Variants in PDZD2 observed in about 807,000 individuals in gnomAD.
The protein encoded by PDZD2 is PDZ domain containing 2, also known as PDZ domain-containing protein 2.
In PDZD2, 90 loss-of-function variants were observed where a neutral mutation model predicts 220.7. That is an observed-to-expected ratio of 0.41 (90% CI 0.34 to 0.49). PDZD2 has a LOEUF of 0.49. Ranked by LOEUF, PDZD2 falls within the 20% of genes least tolerant of loss-of-function variation. PDZD2 has a pLI of 0.28. For synonymous variants in PDZD2, 1,375 were observed against 1,450.5 expected (o/e 0.95, Z 1.18); for missense variants, 3,174 against 3,608.5 (o/e 0.88, Z 3.08).
At position 31,764,847 on chromosome 5, in the gene PDZD2, T is replaced by C. The variant is rs116597150; in HGVS notation, c.-360-34042T>C. Among the ~76,000 whole-genome samples, 804 of 152,266 alleles carry C rather than the reference T, an allele frequency of 5.3e-3. 8 individuals are homozygous for C. Among genetic ancestry groups the C allele is most frequent in the African/African-American group, 0.018 (744 of 41,552 alleles). ...ATCCCAGCACTTTGGGAGGCCAAGATAGGCGGATCATTTGAGGTCAGGAGT... is the reference window on the plus strand; with the variant it reads ...ATCCCAGCACTTTGGGAGGCCAAGACAGGCGGATCATTTGAGGTCAGGAGT... On this transcript the variant is annotated intron_variant, in intron 1 of 24. Transcript: ENST00000438447.
intron 2 of PDZD2, among the ~76,000 whole-genome samples, chr5:31,924,667 G>A (rs1435911135): frequency 1.3e-5 from 2 of 152,174 alleles, no homozygotes; most frequent in Non-Finnish European, 2.9e-5. Context: ...TTAATTATTT[G>A]TCTGATTCTG....
At chr5:31,665,129 C>G (rs958597644) in intron 1 of PDZD2, 2 of 152,196 alleles carry the variant, frequency 1.3e-5, no homozygotes, top group South Asian at 4.1e-4. Flanking sequence ...ACCACCCAGG[C>G]GGGTAAGAGA....
Position 32,090,506 on chromosome 5 carries a change from C to T in PDZD2, c.7058C>T (p.Ala2353Val). 6.2e-7 allele frequency: 1 copy of T among 1,614,046 alleles called. No homozygotes were observed. The highest frequency in any genetic ancestry group is 8.5e-7 in the Non-Finnish European group (1 of 1,180,022). Residue 2353 changes from alanine (A) to valine (V), a missense_variant, in exon 20 of 25, where the codon GCC becomes GTC. By Grantham distance (64) the Ala-to-Val change is moderately conservative. Transcript: ENST00000438447. This position sits in a 1 kb window ranked among gnomAD's most constrained non-coding sequence, Gnocchi z 4.3. ...ENLANADRPV[A>V]KSGASPFLSV... Reference sequence around the variant, plus strand: ...CTGGCCAATGCTGACCGGCCTGTAGCCAAGTCCGGGGCTTCCCCATTTTTG... The same window carrying T: ...CTGGCCAATGCTGACCGGCCTGTAGTCAAGTCCGGGGCTTCCCCATTTTTG...
At chr5:32,032,464 G>GCAAC (rs1755200855) in intron 6 of PDZD2, among the ~76,000 whole-genome samples, 1 of 152,106 alleles carries the variant, frequency 6.6e-6, no homozygotes, top group Admixed American at 6.5e-5. Flanking sequence ...ACTTCCAGAG[G>GCAAC]TCCTCTTCTG....
At chr5:31,879,376 G>T (rs1010213632) in intron 2 of PDZD2, among the ~76,000 whole-genome samples, 5 of 141,650 alleles carry the variant, frequency 3.5e-5, no homozygotes, top group African/African-American at 8.2e-5. Context: ...GACAGAGCGA[G>T]ACTCTGTCTC....
At chr5:31,895,121 C>T (rs1048126225) in intron 2 of PDZD2, among the ~76,000 whole-genome samples, 24 of 152,340 alleles carry the variant, frequency 1.6e-4, no homozygotes, top group Non-Finnish European at 3.1e-4. Flanking sequence ...AACTCCTAAC[C>T]TCGTGATCTG....
intron 1 of PDZD2, among the ~76,000 whole-genome samples, chr5:31,699,547 G>A (rs371349493): frequency 6.6e-6 from 1 of 152,024 alleles, no homozygotes; most frequent in Non-Finnish European, 1.5e-5. Context: ...CCAGGAGTTC[G>A]AGATCAGCCT....
At chr5:31,815,074 C>A (rs767485465) in intron 2 of PDZD2, among the ~76,000 whole-genome samples, 1 of 151,686 alleles carries the variant, frequency 6.6e-6, no homozygotes, top group African/African-American at 2.4e-5. Flanking sequence ...GAAACCCCAT[C>A]TCTACTAAAA....
intron 14 of PDZD2, among the ~76,000 whole-genome samples, chr5:32,065,009 T>C (rs1740088941): frequency 1.3e-5 from 2 of 149,834 alleles, no homozygotes; most frequent in Admixed American, 1.3e-4. Flanking sequence ...ATTAAGAATA[T>C]TACCTCTTGG....
Position 31,939,466 on chromosome 5 carries a change from G to A in PDZD2, c.477-43689G>A, listed in dbSNP as rs186363939. Among the ~76,000 whole-genome samples, 6 of 152,322 alleles carry A rather than the reference G, an allele frequency of 3.9e-5. No individual in the cohort carries two copies. In the East Asian group the frequency reaches 1.2e-3, roughly 29 times the overall value. ...GAGTGGTGCTGTGTGGCCAGATGCA[G>A]TGAGGCGGGCTGTGGGGTGAAGGGT... On this transcript the variant is annotated intron_variant, in intron 2 of 24. Coordinates refer to ENST00000438447, the MANE Select transcript of PDZD2 (RefSeq NM_178140.4).
At chr5:31,819,142 T>C (rs2150252419) in intron 2 of PDZD2, among the ~76,000 whole-genome samples, 2 of 152,350 alleles carry the variant, frequency 1.3e-5, no homozygotes, top group East Asian at 3.9e-4. Flanking sequence ...TGTTAATGTC[T>C]TTTTTACACA....
chr5:31,941,987 C>T (rs1476716452), intron 2 of PDZD2, among the ~76,000 whole-genome samples: 1 of 152,138 alleles, frequency 6.6e-6, no homozygotes, highest in Non-Finnish European at 1.5e-5. Context: ...CCAGAAACAA[C>T]CTCTGGGTCA....
chr5:31,848,021 G>T, intron 2 of PDZD2: 1 of 381,248 alleles, frequency 2.6e-6, no homozygotes, highest in Non-Finnish European at 5.1e-6. Context: ...TCCAATCTAT[G>T]AGAAGAAGCC....
At chr5:31,690,710 T>C (rs1251593917) in intron 1 of PDZD2, among the ~76,000 whole-genome samples, 2 of 152,324 alleles carry the variant, frequency 1.3e-5, no homozygotes, top group Admixed American at 6.5e-5. Context: ...GTGTCATTCA[T>C]TGCATTTAGG....
At chr5:31,878,390 CTT>C (rs1002692219) in intron 2 of PDZD2, among the ~76,000 whole-genome samples, 5 of 152,102 alleles carry the variant, frequency 3.3e-5, no homozygotes, top group African/African-American at 7.2e-5. Flanking sequence ...GCACTATTCT[CTT>C]TTTCTGAACT....
intron 18 of PDZD2, among the ~76,000 whole-genome samples, chr5:32,075,838 A>G (rs1354623649): frequency 6.6e-6 from 1 of 152,222 alleles, no homozygotes; most frequent in Non-Finnish European, 1.5e-5. Context: ...CTAAGTCATA[A>G]AAACTATACC....
At chr5:32,034,250 C>T (rs1163547267) in intron 6 of PDZD2, among the ~76,000 whole-genome samples, 3 of 152,124 alleles carry the variant, frequency 2.0e-5, no homozygotes, top group Non-Finnish European at 4.4e-5. Context: ...AATAAGCTAC[C>T]CATTTAGTAG....
In PDZD2 at chr5:31,811,726, A is replaced by C. The variant is rs533380635; in HGVS notation, c.476+12002A>C. Among the ~76,000 whole-genome samples the C allele has an allele frequency of 5.8e-4, 89 of 152,250 alleles. 2 individuals carry two copies. The highest frequency in any genetic ancestry group is 5.1e-4 in the Non-Finnish European group (35 of 68,014). On this transcript the variant is annotated intron_variant, in intron 2 of 24. Transcript: ENST00000438447. ...AAGCTCTAGCCAGGCAGGGTGGCTC[A>C]TGCCTGTAATCTCAGCACTTTTGGA... is the stretch of plus-strand genomic sequence containing the variant.
intron 2 of PDZD2, among the ~76,000 whole-genome samples, chr5:31,812,277 T>C (rs1273490185): frequency 1.3e-5 from 2 of 152,096 alleles, no homozygotes; most frequent in Non-Finnish European, 2.9e-5. Flanking sequence ...AAATTATCAG[T>C]ATCCCAAGAA....
Sources: allele counts gnomAD v4.1 joint callset (sites outside exome capture counted in the v4.1 genomes callset), GRCh38; gene constraint gnomAD v4.1.1; non-coding constraint Gnocchi (gnomAD v3.1); transcripts MANE v1.5; gene names NCBI Gene and HGNC (gene_info 2026-07-23, HGNC 2026-07-21).